The following CCDC40 variants were observed in gnomAD, a reference collection of about 807,000 sequenced individuals.
CCDC40 encodes coiled-coil domain 40 molecular ruler complex subunit, also known as coiled-coil domain-containing protein 40.
CCDC40 carries 104 observed loss-of-function variants against 124.5 expected under a neutral mutation model. That is an observed-to-expected ratio of 0.84 (90% CI 0.71 to 0.98). The LOEUF (loss-of-function observed/expected upper bound fraction) is 0.98. Ranked by LOEUF, CCDC40 falls within the 50% of genes least tolerant of loss-of-function variation. CCDC40 has a pLI of 0.00. For missense variants in CCDC40, 1,463 were observed against 1,503.9 expected (o/e 0.97, Z 0.45); for synonymous variants, 580 against 602.9 (o/e 0.96, Z 0.56).
rs934449358 is a variant in CCDC40, at chr17:80,086,848, C to T, written c.2449+632C>T. ...ACATCATGTGCCCTTCTCGGAGGTC[C>T]TGCTGCCTCTCGCCCTGCCCTTCTT... On this transcript the variant is annotated intron_variant, in intron 14 of 19. Transcript: ENST00000397545. This position sits in a 1 kb window ranked among gnomAD's most constrained non-coding sequence, Gnocchi z 5.5. 2 of 158,818 alleles carry T rather than the reference C, an allele frequency of 1.3e-5. No individual in the cohort carries two copies. Among genetic ancestry groups the T allele is most frequent in the African/African-American group, 4.8e-5 (2 of 41,476 alleles). The allele number at this position is 158,818 out of a possible 1,614,324, so 9.8% of individuals were successfully genotyped here. A position where few individuals can be genotyped will look rare whatever the true frequency, so the allele number is the denominator to read the frequency against.
rs533851018 is a variant in CCDC40, at chr17:80,094,483, TG to T, written c.2833-777del. On this transcript the variant is annotated intron_variant, in intron 17 of 19. Coordinates refer to ENST00000397545, the MANE Select transcript of CCDC40 (RefSeq NM_017950.4). The stretch of plus-strand genomic sequence containing the variant: ...CAATCCCAGCTTTGGGAGGCCAAGG[TG>T]GGCGGATCGAGACCATCTTGGCCAA... 1.8e-3 allele frequency among the ~76,000 whole-genome samples: 272 copies of T among 152,144 alleles called. 1 individual carries two copies. The highest frequency in any genetic ancestry group is 5.8e-3 in the African/African-American group (242 of 41,504).
At chr17:80,095,152 C>T (rs546700690) in intron 17 of CCDC40, 111 bp from the exon 18 acceptor site, 18 of 1,006,542 alleles carry the variant, frequency 1.8e-5, no homozygotes, top group East Asian at 1.7e-4. Context: ...GTTTCCCCGC[C>T]GATCCCCATG....
intron 17 of CCDC40, among the ~76,000 whole-genome samples, chr17:80,093,092 C>T (rs889297585): frequency 6.6e-6 from 1 of 152,186 alleles, no homozygotes; most frequent in African/African-American, 2.4e-5. Context: ...CGTTTCTGGG[C>T]TGTTTTGTTC....
chr17:80,088,427 T>A, intron 16 of CCDC40: 1 of 379,194 alleles, frequency 2.6e-6, no homozygotes, highest in South Asian at 2.2e-5. Flanking sequence ...AATTTTTGTA[T>A]TTTTAGTAGA....
intron 7 of CCDC40, among the ~76,000 whole-genome samples, chr17:80,056,338 G>T (rs1400763308): frequency 6.6e-6 from 1 of 152,024 alleles, no homozygotes; most frequent in African/African-American, 2.4e-5. Flanking sequence ...AAGCACCTCG[G>T]GCCAGGTGCG....
chr17:80,078,056 A>G (rs1204722055), intron 10 of CCDC40, among the ~76,000 whole-genome samples: 6 of 152,110 alleles, frequency 3.9e-5, no homozygotes, highest in East Asian at 3.9e-4. Context: ...CAGGCCGGGC[A>G]CAGTGTGGCT....
In CCDC40 at chr17:80,056,008, A is replaced by ATTTT. The variant is rs1242487948; in HGVS notation, c.1160-2485_1160-2484insTTTT. ...TATATATATATATATATATATATAT[A>ATTTT]TATATATATTTTTTTTTTTTTTTGG... On this transcript the variant is annotated intron_variant, in intron 7 of 19. Coordinates refer to ENST00000397545, the MANE Select transcript of CCDC40 (RefSeq NM_017950.4). Among the ~76,000 whole-genome samples the ATTTT allele has an allele frequency of 5.0e-3, 61 of 12,260 alleles. 2 individuals are homozygous for ATTTT. The highest frequency in any genetic ancestry group is 6.4e-3 in the Admixed American group (3 of 466). 8.0% of individuals were successfully genotyped at this position (12,260 alleles called of 152,430 possible).
Position 80,086,245 on chromosome 17 carries a change from T to C in CCDC40, c.2449+29T>C, listed in dbSNP as rs779422288. The C allele has an allele frequency of 8.4e-6, 13 of 1,550,846 alleles. No homozygotes were observed. In the Admixed American group the frequency reaches 2.3e-4, roughly 27 times the overall value. The stretch of plus-strand genomic sequence containing the variant: ...AGAGCCGCCGTGCCCGGCCCTGCAG[T>C]GATGCTGAGACGAGCTCTGGGACGT... On this transcript the variant is annotated intron_variant, in intron 14 of 19. Transcript: ENST00000397545. This position sits in a 1 kb window ranked among gnomAD's most constrained non-coding sequence, Gnocchi z 5.5.
chr17:80,048,424 T>C, intron 4 of CCDC40, 159 bp from the exon 5 acceptor site: 1 of 687,960 alleles, frequency 1.5e-6, no homozygotes, highest in Non-Finnish European at 2.6e-6. Flanking sequence ...ATGGGGTGAA[T>C]GATGTTTCTG....
intron 3 of CCDC40, among the ~76,000 whole-genome samples, chr17:80,045,109 C>G (rs970107285): frequency 5.3e-5 from 8 of 152,214 alleles, no homozygotes; most frequent in Non-Finnish European, 1.2e-4. Flanking sequence ...TCAACACCAT[C>G]TGCGGAAGTG....
At chr17:80,040,877 A>G (rs2037261221) in intron 3 of CCDC40, among the ~76,000 whole-genome samples, 1 of 152,126 alleles carries the variant, frequency 6.6e-6, no homozygotes, top group Admixed American at 6.5e-5. Flanking sequence ...CATCAGTCAC[A>G]TGTGGCTACA....
chr17:80,079,220 T>C (rs2038388639), intron 10 of CCDC40, among the ~76,000 whole-genome samples: 3 of 152,200 alleles, frequency 2.0e-5, no homozygotes, highest in Admixed American at 2.0e-4. Flanking sequence ...AGTACTTTCT[T>C]CTTGGACTAG....
At position 80,090,035 on chromosome 17, in the gene CCDC40, G is replaced by C. The variant is rs2038669659; in HGVS notation, c.2832+151G>C. The C allele has an allele frequency of 2.0e-6, 3 of 1,537,612 alleles. No homozygotes were observed. The East Asian group carries it at 7.3e-5, about 38-fold the overall frequency. ...GGTGGCAATGGGTGAGATTTCCAGG[G>C]AGCGACCCGCTCCAGCAGAGTGACC... On this transcript the variant is annotated intron_variant, in intron 17 of 19. Transcript: ENST00000397545.
At chr17:80,045,051 C>T (rs2037386946) in intron 3 of CCDC40, among the ~76,000 whole-genome samples, 1 of 152,132 alleles carries the variant, frequency 6.6e-6, no homozygotes, top group African/African-American at 2.4e-5. Context: ...CCCTGGGCTC[C>T]CGTTAATGTT....
chr17:80,066,464 A>C lies in CCDC40; in HGVS notation c.1562+858A>C. On this transcript the variant is annotated intron_variant, in intron 10 of 19. Transcript: ENST00000397545. This position sits in a 1 kb window ranked among gnomAD's most constrained non-coding sequence, Gnocchi z 4.4. ...TCAAATGAATAATATTGGATTAACC[A>C]TACTCATTTCTGGCCAGGCGCAGTG... is the stretch of plus-strand genomic sequence containing the variant. 1 of 385,908 alleles carries C rather than the reference A, an allele frequency of 2.6e-6. No homozygotes were observed. Among genetic ancestry groups the C allele is most frequent in the South Asian group, 3.6e-5 (1 of 27,896 alleles). The allele number at this position is 385,908 out of a possible 1,614,324, so 23.9% of individuals were successfully genotyped here. A position where few individuals can be genotyped will look rare whatever the true frequency, so the allele number is the denominator to read the frequency against.
intron 12 of CCDC40, 90 bp downstream of exon 12, chr17:80,082,148 G>A: frequency 1.7e-6 from 2 of 1,151,576 alleles, no homozygotes; most frequent in East Asian, 2.4e-5. Context: ...AGAGGGCGGA[G>A]TCAGTGTGAG....
At chr17:80,048,373 G>A (rs1464497574) in intron 4 of CCDC40, 13 of 612,870 alleles carry the variant, frequency 2.1e-5, no homozygotes, top group African/African-American at 1.1e-4. Context: ...CCTTTAAAAC[G>A]GGACGCTTTC....
chr17:80,042,523 G>A (rs553671729), intron 3 of CCDC40, among the ~76,000 whole-genome samples: 7 of 152,284 alleles, frequency 4.6e-5, no homozygotes, highest in South Asian at 2.1e-4. Flanking sequence ...ATTCTGCCAC[G>A]TTGCTAAAGT....
intron 4 of CCDC40, chr17:80,048,264 T>TA: frequency 5.3e-6 from 2 of 379,194 alleles, no homozygotes; most frequent in South Asian, 4.3e-5. Context: ...TGTCTGGGGA[T>TA]AAAAAATATT....
Sources: allele counts gnomAD v4.1 joint callset (sites outside exome capture counted in the v4.1 genomes callset), GRCh38; gene constraint gnomAD v4.1.1; non-coding constraint Gnocchi (gnomAD v3.1); transcripts MANE v1.5; gene names NCBI Gene and HGNC (gene_info 2026-07-23, HGNC 2026-07-21).